Variants in NOM1 observed in about 807,000 individuals in gnomAD.
NOM1 encodes nucleolar MIF4G domain-containing protein 1.
Under a neutral mutation model 73.3 loss-of-function variants are expected in NOM1, and 58 were observed. The ratio of observed to expected loss-of-function variants is 0.79; its 90% CI spans 0.64 to 0.99. The LOEUF is 0.99. Ranked by LOEUF, NOM1 falls within the 50% of genes least tolerant of loss-of-function variation. The pLI is 0.00. For missense variants in NOM1, 1,226 were observed against 1,131.9 expected (o/e 1.08, Z -1.19); for synonymous variants, 487 against 446.8 (o/e 1.09, Z -1.14).
intron 3 of NOM1, chr7:156,958,561 C>T (rs775414712): frequency 1.4e-4 from 22 of 152,336 alleles, no homozygotes; most frequent in African/African-American, 5.1e-4. Flanking sequence ...AGACTGAAAA[C>T]GACTGTTTTC....
rs1804906702 is a variant in NOM1, at chr7:156,963,117, G to A, written c.1853G>A (p.Gly618Glu). The change falls in exon 6 of 11, where the codon GGG becomes GAG. Residue 618 changes from glycine to glutamate, a missense_variant. By Grantham distance (98) the Gly-to-Glu change is moderately conservative. Transcript: ENST00000275820. ...RWWIVGSAWSGAPMIDNSHHT... is the reference protein window; with the variant it reads ...RWWIVGSAWSEAPMIDNSHHT... Reference sequence around the variant, plus strand: ...TGGATTGTGGGGTCCGCCTGGAGTGGGGCCCCGATGATCGACAACAGTCAC... The same window carrying A: ...TGGATTGTGGGGTCCGCCTGGAGTGAGGCCCCGATGATCGACAACAGTCAC... 6.2e-7 allele frequency: 1 copy of A among 1,614,176 alleles called. No homozygotes were observed.
intron 4 of NOM1, 40 bp downstream of exon 4, chr7:156,960,214 A>T: frequency 1.3e-6 from 2 of 1,539,368 alleles, no homozygotes; most frequent in Non-Finnish European, 1.8e-6. Flanking sequence ...AAGTCCCTAA[A>T]GCTCACAAAC....
intron 3 of NOM1, among the ~76,000 whole-genome samples, chr7:156,956,090 G>C (rs1277739445): frequency 6.6e-6 from 1 of 151,972 alleles, no homozygotes; most frequent in Non-Finnish European, 1.5e-5. Context: ...CTACTCCGGA[G>C]ACTGAGGCAG....
intron 3 of NOM1, among the ~76,000 whole-genome samples, chr7:156,956,417 G>A (rs1471708963): frequency 1.3e-5 from 2 of 152,178 alleles, no homozygotes; most frequent in African/African-American, 2.4e-5. Context: ...ATAGGAAAGA[G>A]CTGGCCCACA....
At chr7:156,951,858 C>G (rs1354264995) in intron 1 of NOM1, among the ~76,000 whole-genome samples, 2 of 152,046 alleles carry the variant, frequency 1.3e-5, no homozygotes, top group African/African-American at 2.4e-5. Context: ...AGGCGCCCAC[C>G]ACCATGCCCG....
chr7:156,966,881 C>A lies in NOM1; in HGVS notation c.2167-80C>A, dbSNP rs74892728. The stretch of plus-strand genomic sequence containing the variant: ...TTAAAAATAAGATAATAAGAAAATA[C>A]CTTTAGGTTATGTTGTTAGTGATAT... On this transcript the variant is annotated intron_variant, in intron 8 of 10. Transcript: ENST00000275820. 2.3e-3 allele frequency: 3,190 copies of A among 1,387,856 alleles called. 64 individuals are homozygous for A. In the African/African-American group the frequency reaches 0.043, roughly 19 times the overall value. 86.0% of individuals were successfully genotyped at this position (1,387,856 alleles called of 1,614,324 possible).
In NOM1 at chr7:156,949,767, C is replaced by A. The variant is rs766734282; in HGVS notation, c.30C>A (p.Ala10=). The stretch of plus-strand genomic sequence containing the variant: ...CGGCGTCCAGGAGCGCGGGAGAGGC[C>A]GGCCCGGGCGGCTCCCAGGGACGCG... MAASRSAGE[A]GPGGSQGRVV... The change falls in exon 1 of 11, where the codon GCC becomes GCA. Residue 10 remains alanine (A), a synonymous_variant. Transcript: ENST00000275820. The A allele has an allele frequency of 2.9e-6, 4 of 1,400,452 alleles. No individual in the cohort carries two copies. Among genetic ancestry groups the A allele is most frequent in the East Asian group, 2.8e-5 (1 of 36,004 alleles). 86.8% of individuals were successfully genotyped at this position (1,400,452 alleles called of 1,614,324 possible). A position where few individuals can be genotyped will look rare whatever the true frequency, so the allele number is the denominator to read the frequency against.
chr7:156,952,431 G>C (rs1378748251), intron 1 of NOM1, 43 bp from the exon 2 acceptor site: 1 of 1,588,178 alleles, frequency 6.3e-7, no homozygotes, highest in Non-Finnish European at 8.5e-7. Context: ...CACAGGATTT[G>C]GTCAGTGTAA....
intron 5 of NOM1, 106 bp from the exon 6 acceptor site, chr7:156,962,902 T>C (rs1563683966): frequency 1.6e-6 from 2 of 1,250,062 alleles, no homozygotes; most frequent in Non-Finnish European, 2.2e-6. Context: ...CATTCCAGTA[T>C]TCATGCACCA....
At chr7:156,969,248 T>C in intron 10 of NOM1, 52 bp downstream of exon 10, 2 of 1,015,724 alleles carry the variant, frequency 2.0e-6, no homozygotes, top group South Asian at 2.6e-5. Flanking sequence ...GAAGAGATTG[T>C]TTTCACTTGT....
At chr7:156,962,338 T>G (rs974590546) in intron 5 of NOM1, 77 bp downstream of exon 5, 47 of 1,161,282 alleles carry the variant, frequency 4.0e-5, no homozygotes, top group Non-Finnish European at 6.0e-5. Context: ...AATCAAGAAA[T>G]AGTCAGACCT....
chr7:156,964,979 C>T (rs893535154), intron 7 of NOM1, among the ~76,000 whole-genome samples: 7 of 152,228 alleles, frequency 4.6e-5, no homozygotes, highest in African/African-American at 1.4e-4. Flanking sequence ...TATCAAACTA[C>T]GTGTATTAAA....
intron 10 of NOM1, 88 bp downstream of exon 10, chr7:156,969,284 C>CT (rs1310809122): frequency 3.2e-5 from 27 of 856,150 alleles, no homozygotes; most frequent in Non-Finnish European, 4.1e-5. Flanking sequence ...CAAGGTTGTA[C>CT]TATACGTGTA....
At chr7:156,967,320 T>A (rs755236373) in intron 9 of NOM1, among the ~76,000 whole-genome samples, 1 of 152,222 alleles carries the variant, frequency 6.6e-6, no homozygotes, top group Non-Finnish European at 1.5e-5. Flanking sequence ...TCTGAATGAA[T>A]GTGTTTTGGA....
chr7:156,967,571 A>G (rs1317032905), intron 9 of NOM1, among the ~76,000 whole-genome samples: 2 of 152,076 alleles, frequency 1.3e-5, no homozygotes, highest in African/African-American at 2.4e-5. Flanking sequence ...TTGCTCTGTC[A>G]CCCAGGCTGG....
At chr7:156,961,806 G>A (rs928291863) in intron 4 of NOM1, among the ~76,000 whole-genome samples, 11 of 152,072 alleles carry the variant, frequency 7.2e-5, no homozygotes, top group African/African-American at 2.4e-4. Context: ...AGCAGGTCGC[G>A]GGGGGCCAGG....
intron 3 of NOM1, among the ~76,000 whole-genome samples, chr7:156,954,726 C>T (rs888728010): frequency 2.0e-5 from 3 of 152,012 alleles, no homozygotes; most frequent in Admixed American, 1.3e-4. Context: ...AGGCTGGTGT[C>T]AAATTCCTGG....
chr7:156,963,214 C>A (rs923936540), intron 6 of NOM1, 39 bp downstream of exon 6: 1 of 1,607,220 alleles, frequency 6.2e-7, no homozygotes, highest in Non-Finnish European at 8.5e-7. Flanking sequence ...GGCAGAGGCA[C>A]CCCCCTGTGT....
chr7:156,954,950 C>T (rs191816823), intron 3 of NOM1, among the ~76,000 whole-genome samples: 130 of 152,290 alleles, frequency 8.5e-4, no homozygotes, highest in Non-Finnish European at 1.3e-3. Flanking sequence ...GGTGTGGTCT[C>T]ACTACTGAGG....
Sources: allele counts gnomAD v4.1 joint callset (sites outside exome capture counted in the v4.1 genomes callset), GRCh38; gene constraint gnomAD v4.1.1; transcripts MANE v1.5; gene names NCBI Gene and HGNC (gene_info 2026-07-23, HGNC 2026-07-21).